The following RRP15 variants were observed in gnomAD, a reference collection of about 807,000 sequenced individuals.
The protein encoded by RRP15 is ribosomal RNA processing 15 homolog.
A neutral mutation model predicts 27.1 loss-of-function variants in RRP15; 18 were observed. The ratio of observed to expected loss-of-function variants is 0.66; its 90% confidence interval spans 0.46 to 0.98. RRP15 has a LOEUF of 0.98. Among genes scored for constraint, RRP15 ranks in the 50% least tolerant of loss-of-function variants. The pLI, the probability that RRP15 is intolerant of heterozygous loss-of-function variation, is 0.00. For missense variants in RRP15, 359 were observed against 337.8 expected (o/e 1.06, Z -0.49); for synonymous variants, 107 against 109.4 (o/e 0.98, Z 0.14).
intron 1 of RRP15, among the ~76,000 whole-genome samples, chr1:218,287,858 A>G (rs1386418033): frequency 6.6e-6 from 1 of 152,190 alleles, no homozygotes; most frequent in Non-Finnish European, 1.5e-5. Context: ...TGTTTTGTTG[A>G]ATAAATGTAT....
intron 4 of RRP15, among the ~76,000 whole-genome samples, chr1:218,312,010 T>A (rs983948734): frequency 6.6e-6 from 1 of 152,174 alleles, no homozygotes; most frequent in Non-Finnish European, 1.5e-5. Flanking sequence ...GTGATGTGGC[T>A]GCAAGTCAAA....
At chr1:218,286,945 A>G (rs984651365) in intron 1 of RRP15, among the ~76,000 whole-genome samples, 1 of 152,100 alleles carries the variant, frequency 6.6e-6, no homozygotes, top group Non-Finnish European at 1.5e-5. Flanking sequence ...AGTACTGCTT[A>G]CAAATTGGAT....
chr1:218,304,837 C>A (rs997810797), intron 2 of RRP15, among the ~76,000 whole-genome samples, 191 bp from the exon 3 acceptor site: 1 of 152,122 alleles, frequency 6.6e-6, no homozygotes. Flanking sequence ...TTGTGCCTCT[C>A]GCATGACACG....
At chr1:218,309,370 T>C (rs1490722971) in intron 4 of RRP15, among the ~76,000 whole-genome samples, 2 of 152,126 alleles carry the variant, frequency 1.3e-5, no homozygotes, top group South Asian at 2.1e-4. Flanking sequence ...CTGTTTGAGA[T>C]TGGATCAGTT....
rs1409876310 is a variant in RRP15, at chr1:218,333,092, C to A, written c.*2001C>A. 2 of 152,002 alleles carry A rather than the reference C, an allele frequency of 1.3e-5. No homozygotes were observed. The highest frequency in any genetic ancestry group is 6.6e-5 in the Admixed American group (1 of 15,262). The allele number at this position is 152,002 out of a possible 1,614,324, so 9.4% of individuals were successfully genotyped here. A position where few individuals can be genotyped will look rare whatever the true frequency, so the allele number is the denominator to read the frequency against. ...TTGATTTGAAAAAATTTGACAAGAT[C>A]TTCACATTGAAAGTAAGGACGAGAA... On this transcript the variant is annotated 3_prime_UTR_variant, in exon 5 of 5. Coordinates refer to ENST00000366932, the MANE Select transcript of RRP15 (RefSeq NM_016052.4).
chr1:218,298,206 T>TA (rs1380541503), intron 1 of RRP15, among the ~76,000 whole-genome samples: 1 of 152,168 alleles, frequency 6.6e-6, no homozygotes, highest in Non-Finnish European at 1.5e-5. Context: ...TATGGAATCT[T>TA]ACTTCCTTGG....
chr1:218,303,955 C>T (rs888630803), intron 2 of RRP15, among the ~76,000 whole-genome samples: 4 of 151,850 alleles, frequency 2.6e-5, no homozygotes, highest in African/African-American at 7.3e-5. Context: ...CCTTTGAGTA[C>T]GGAATATAAT....
In RRP15 at chr1:218,334,619, T is replaced by G. The variant is rs1224468796; in HGVS notation, c.*3528T>G. On this transcript the variant is annotated 3_prime_UTR_variant, in exon 5 of 5. Coordinates refer to ENST00000366932, the MANE Select transcript of RRP15 (RefSeq NM_016052.4). Reference sequence around the variant, plus strand: ...TTTTATTTGGAAACATTTTTTCCAGTTGACCAAAGCAGAATTCATTCTGTT... The same window carrying G: ...TTTTATTTGGAAACATTTTTTCCAGGTGACCAAAGCAGAATTCATTCTGTT... 2 of 152,244 alleles carry G rather than the reference T, an allele frequency of 1.3e-5. No homozygotes were observed. The highest frequency in any genetic ancestry group is 1.3e-4 in the Admixed American group (2 of 15,294). The allele number at this position is 152,244 out of a possible 1,614,324, so 9.4% of individuals were successfully genotyped here.
intron 2 of RRP15, among the ~76,000 whole-genome samples, chr1:218,304,743 T>C (rs1571798549): frequency 6.6e-6 from 1 of 152,202 alleles, no homozygotes; most frequent in South Asian, 2.1e-4. Flanking sequence ...TGTGGCTCCC[T>C]CACACCCTAT....
intron 1 of RRP15, among the ~76,000 whole-genome samples, chr1:218,293,984 C>T (rs967655639): frequency 4.0e-5 from 6 of 151,374 alleles, no homozygotes; most frequent in Non-Finnish European, 8.8e-5. Context: ...TTATATATAT[C>T]AACTTGAATA....
intron 4 of RRP15, among the ~76,000 whole-genome samples, chr1:218,322,167 A>C (rs186639096): frequency 3.4e-4 from 52 of 152,298 alleles, no homozygotes; most frequent in African/African-American, 1.2e-3. Context: ...TTTGGAATCA[A>C]ATGGATCTGT....
chr1:218,287,387 T>C (rs1417513434), intron 1 of RRP15, among the ~76,000 whole-genome samples: 1 of 152,192 alleles, frequency 6.6e-6, no homozygotes, highest in African/African-American at 2.4e-5. Context: ...TCTCTTGCTG[T>C]TATAGATCAG....
At chr1:218,315,676 G>A (rs114860051) in intron 4 of RRP15, among the ~76,000 whole-genome samples, 4,457 of 150,674 alleles carry the variant, frequency 0.03, 86 homozygotes, top group East Asian at 0.074. Flanking sequence ...TGGTCTCCTC[G>A]AACTCCTGGC....
chr1:218,294,510 A>C (rs61823381), intron 1 of RRP15, among the ~76,000 whole-genome samples: 14,489 of 152,198 alleles, frequency 0.095, 997 homozygotes, highest in Non-Finnish European at 0.15. Flanking sequence ...ATTATAAAGC[A>C]TATTACAGAG....
rs56813511 is a variant in RRP15, at chr1:218,308,062, C to CTTTTTTTTTTT, written c.705+449_705+459dup. Among the ~76,000 whole-genome samples the CTTTTTTTTTTT allele has an allele frequency of 5.8e-4, 39 of 66,928 alleles. 3 individuals carry two copies. Among genetic ancestry groups the CTTTTTTTTTTT allele is most frequent in the Non-Finnish European group, 8.5e-4 (30 of 35,198 alleles). 43.9% of individuals were successfully genotyped at this position (66,928 alleles called of 152,430 possible). ...AGCTGCCTCAGTAGTTTCTTTCTTT[C>CTTTTTTTTTTT]TTTTTTTTTTTTTTTTTTTTTTTTT... is the stretch of plus-strand genomic sequence containing the variant. On this transcript the variant is annotated intron_variant, in intron 4 of 4. Coordinates refer to ENST00000366932, the MANE Select transcript of RRP15 (RefSeq NM_016052.4).
In RRP15 at chr1:218,310,519, C is replaced by G. The variant is rs191272083; in HGVS notation, c.705+2887C>G. ...TATGGATAGAATTGTAATAATATAA[C>G]ATAGGTTATATACATTGAGCCCATT... is the stretch of plus-strand genomic sequence containing the variant. On this transcript the variant is annotated intron_variant, in intron 4 of 4. Transcript: ENST00000366932. Among the ~76,000 whole-genome samples, 640 of 152,158 alleles carry G rather than the reference C, an allele frequency of 4.2e-3. 1 individual carries two copies. Among genetic ancestry groups the G allele is most frequent in the Non-Finnish European group, 6.7e-3 (454 of 68,008 alleles).
intron 4 of RRP15, among the ~76,000 whole-genome samples, chr1:218,318,200 A>G (rs1338190098): frequency 1.3e-5 from 2 of 152,058 alleles, no homozygotes; most frequent in African/African-American, 2.4e-5. Context: ...TGATTATTTG[A>G]AAGTATTACC....
At position 218,305,019 on chromosome 1, in the gene RRP15, A is replaced by T. The variant is rs749852323; in HGVS notation, c.406-9A>T. On this transcript the variant is annotated splice_polypyrimidine_tract_variant and intron_variant, in intron 2 of 4. Coordinates refer to ENST00000366932, the MANE Select transcript of RRP15 (RefSeq NM_016052.4). ...AATATTCTTTCACATAACAATATTT[A>T]TAACGCAGCGTGATAAGAGGCTGGA... 2 of 1,610,246 alleles carry T rather than the reference A, an allele frequency of 1.2e-6. No individual in the cohort carries two copies. Among genetic ancestry groups the T allele is most frequent in the Non-Finnish European group, 1.7e-6 (2 of 1,176,892 alleles).
At chr1:218,314,303 T>G (rs1656046838) in intron 4 of RRP15, among the ~76,000 whole-genome samples, 1 of 152,246 alleles carries the variant, frequency 6.6e-6, no homozygotes, top group Non-Finnish European at 1.5e-5. Context: ...TCAAAACATG[T>G]TCTTATCTAG....
Sources: allele counts gnomAD v4.1 joint callset (sites outside exome capture counted in the v4.1 genomes callset), GRCh38; gene constraint gnomAD v4.1.1; transcripts MANE v1.5; gene names NCBI Gene and HGNC (gene_info 2026-07-23, HGNC 2026-07-21).